The following KANK1 variants were observed in gnomAD, a reference collection of about 807,000 sequenced individuals.
KANK1 encodes the protein KN motif and ankyrin repeat domain-containing protein 1.
In KANK1, 109 loss-of-function variants were observed where a neutral mutation model predicts 106.2. The ratio of observed to expected loss-of-function variants is 1.03; its 90% CI spans 0.88 to 1.20. The LOEUF is 1.20. KANK1 is among the 50% of genes most tolerant of loss of function. The probability of loss-of-function intolerance (pLI) is 0.00; values close to 1 mark genes in which losing one functional copy is unlikely to be tolerated. For synonymous variants in KANK1, 873 were observed against 652.2 expected (o/e 1.34, Z -5.16); for missense variants, 2,399 against 1,710.7 (o/e 1.40, Z -7.10).
At position 732,589 on chromosome 9, in the gene KANK1, G is replaced by C. The variant is rs199887418; in HGVS notation, c.3217G>C (p.Glu1073Gln). The C allele has an allele frequency of 1.3e-4, 214 of 1,614,022 alleles. 1 individual carries two copies. Among genetic ancestry groups the C allele is most frequent in the Non-Finnish European group, 3.1e-5 (36 of 1,180,014 alleles). The change falls in exon 6 of 12, where the codon GAA (glutamate) becomes CAA (glutamine). Residue 1073 changes from glutamate (E) to glutamine (Q), a missense_variant. Coordinates refer to ENST00000382297, the MANE Select transcript of KANK1 (RefSeq NM_015158.5). ...AGATGAAATGCAGGTTCAAGAATGT[G>C]AACCTGAGAAGGTGGAAATCAGAGA... ...VEDEMQVQEC[E>Q]PEKVEIRERY...
chr9:558,089 GA>G (rs1418474786), intron 1 of KANK1, among the ~76,000 whole-genome samples: 2 of 152,194 alleles, frequency 1.3e-5, no homozygotes, highest in African/African-American at 4.8e-5. Context: ...GATGCTGTGA[GA>G]GGAGGTGGAA....
intron 2 of KANK1, among the ~76,000 whole-genome samples, chr9:688,915 G>A (rs1819203290): frequency 6.6e-6 from 1 of 152,164 alleles, no homozygotes; most frequent in South Asian, 2.1e-4. Context: ...TGGCTGGCTG[G>A]CCTGCTTTCC....
At chr9:477,025 G>A (rs760792399) in intron 3 of KANK1, among the ~76,000 whole-genome samples, 2 of 152,090 alleles carry the variant, frequency 1.3e-5, no homozygotes, top group Non-Finnish European at 2.9e-5. Flanking sequence ...CAAGTTTATG[G>A]TAAAGTTTAA....
At chr9:606,209 T>C (rs1457273593) in intron 1 of KANK1, among the ~76,000 whole-genome samples, 2 of 150,778 alleles carry the variant, frequency 1.3e-5, no homozygotes, top group Non-Finnish European at 2.9e-5. Context: ...CGTACATACA[T>C]ATATAATAGA....
chr9:706,788 C>T (rs1824323301), intron 2 of KANK1: 1 of 985,300 alleles, frequency 1.0e-6, no homozygotes, highest in African/African-American at 1.7e-5. Context: ...CCTGAGAACC[C>T]GCAGAGAACA....
chr9:648,680 G>C (rs541926564), intron 1 of KANK1, among the ~76,000 whole-genome samples: 2 of 152,274 alleles, frequency 1.3e-5, no homozygotes, highest in South Asian at 4.1e-4. Context: ...GCAGGCCAAG[G>C]GGAGCTCACG....
chr9:690,662 G>T (rs997455963), intron 2 of KANK1, among the ~76,000 whole-genome samples: 1 of 152,142 alleles, frequency 6.6e-6, no homozygotes, highest in Admixed American at 6.5e-5. Context: ...GTGTAATTCA[G>T]GCCACCACTC....
intron 1 of KANK1, among the ~76,000 whole-genome samples, chr9:561,510 C>T (rs1471157473): frequency 6.6e-6 from 1 of 152,226 alleles, no homozygotes; most frequent in Non-Finnish European, 1.5e-5. Flanking sequence ...CATCACTGTG[C>T]ATTTGTTGAG....
intron 1 of KANK1, among the ~76,000 whole-genome samples, chr9:667,739 TTTG>T (rs1339800095): frequency 3.1e-5 from 2 of 63,876 alleles, no homozygotes; most frequent in Non-Finnish European, 6.5e-5. Context: ...CAAAGGTTTT[TTTG>T]TTTTGTTTTT....
intron 3 of KANK1, among the ~76,000 whole-genome samples, chr9:715,420 C>T (rs565516531): frequency 1.7e-4 from 26 of 152,300 alleles, no homozygotes; most frequent in Middle Eastern, 3.4e-3. Flanking sequence ...CAGCCTTCCT[C>T]CCTCCTCCCC....
intron 1 of KANK1, among the ~76,000 whole-genome samples, chr9:550,040 A>C (rs918084575): frequency 3.3e-5 from 5 of 152,114 alleles, no homozygotes; most frequent in Non-Finnish European, 7.4e-5. Flanking sequence ...ACACCTTTCA[A>C]AGCAAGGACT....
At chr9:598,024 A>G (rs905332536) in intron 1 of KANK1, among the ~76,000 whole-genome samples, 1 of 151,594 alleles carries the variant, frequency 6.6e-6, no homozygotes, top group Non-Finnish European at 1.5e-5. Flanking sequence ...TTGTTAATTC[A>G]TTTTGAGTTA....
rs1004384409 is a variant in KANK1 at position 707,112 on chromosome 9, C to T, written c.38-3692C>T. 10 of 985,328 alleles carry T rather than the reference C, an allele frequency of 1.0e-5. No individual in the cohort carries two copies. The African/African-American group carries it at 1.7e-4, about 17-fold the overall frequency. 61.0% of individuals were successfully genotyped at this position (985,328 alleles called of 1,614,324 possible). ...TCAGCCTATGGCATCCGAGCGTGGC[C>T]GGCCAAGTTTACACGAATGTTGAAA... On this transcript the variant is annotated intron_variant, in intron 2 of 11. Coordinates refer to ENST00000382297, the MANE Select transcript of KANK1 (RefSeq NM_015158.5).
At chr9:528,860 T>G (rs989229148) in intron 1 of KANK1, among the ~76,000 whole-genome samples, 1 of 152,024 alleles carries the variant, frequency 6.6e-6, no homozygotes, top group Middle Eastern at 3.5e-3. Flanking sequence ...AATGCAGTCT[T>G]ATGATCACTG....
intron 2 of KANK1, among the ~76,000 whole-genome samples, chr9:704,149 A>G (rs773754057): frequency 4.6e-5 from 7 of 152,248 alleles, no homozygotes; most frequent in Non-Finnish European, 1.0e-4. Context: ...GAAAGGGGGA[A>G]GAACTGTAGT....
intron 1 of KANK1, among the ~76,000 whole-genome samples, chr9:629,013 A>T (rs111233690): frequency 0.043 from 6,410 of 147,782 alleles, 468 homozygotes; most frequent in African/African-American, 0.15. Flanking sequence ...CCAGGAGGTG[A>T]GGTTGCAGTG....
intron 1 of KANK1, among the ~76,000 whole-genome samples, chr9:665,934 C>G (rs946630255): frequency 6.6e-6 from 1 of 152,160 alleles, no homozygotes; most frequent in African/African-American, 2.4e-5. Flanking sequence ...AATCCCAACA[C>G]TTCGAGAGGC....
chr9:715,870 G>C (rs1423170532), intron 3 of KANK1, among the ~76,000 whole-genome samples: 1 of 152,134 alleles, frequency 6.6e-6, no homozygotes, highest in Non-Finnish European at 1.5e-5. Flanking sequence ...TTGTCATGTG[G>C]ACTGAAAATT....
intron 1 of KANK1, among the ~76,000 whole-genome samples, chr9:544,229 C>T (rs1186074798): frequency 6.6e-6 from 1 of 151,966 alleles, no homozygotes; most frequent in Non-Finnish European, 1.5e-5. Context: ...CCATGTTGCC[C>T]AGACTGGTCT....
Sources: gnomAD v4.1 joint callset for allele counts (sites outside exome capture counted in the v4.1 genomes callset) on GRCh38, gnomAD v4.1.1 for gene constraint, MANE v1.5 for transcripts, NCBI Gene and HGNC (gene_info 2026-07-23, HGNC 2026-07-21) for gene names.